Variants in KCNJ3 observed in about 807,000 individuals in gnomAD.
KCNJ3 encodes the protein G protein-activated inward rectifier potassium channel 1.
KCNJ3 carries 4 observed loss-of-function variants against 39.2 expected under a neutral mutation model. The ratio of observed to expected loss-of-function variants is 0.10; its 90% CI spans 0.05 to 0.23. KCNJ3 has a LOEUF of 0.23. Among genes scored for constraint, KCNJ3 ranks in the 10% least tolerant of loss-of-function variants. The probability of loss-of-function intolerance (pLI) is 1.00; values close to 1 mark genes in which losing one functional copy is unlikely to be tolerated. For synonymous variants in KCNJ3, 230 were observed against 237.4 expected (o/e 0.97, Z 0.29); for missense variants, 276 against 634.9 (o/e 0.43, Z 6.08).
At chr2:154,764,480 A>G (rs1424029774) in intron 2 of KCNJ3, among the ~76,000 whole-genome samples, 1 of 152,186 alleles carries the variant, frequency 6.6e-6, no homozygotes, top group Non-Finnish European at 1.5e-5. Context: ...TGAATAATTA[A>G]AATAATAGCC....
At chr2:154,775,766 T>C (rs895575004) in intron 2 of KCNJ3, among the ~76,000 whole-genome samples, 1 of 152,116 alleles carries the variant, frequency 6.6e-6, no homozygotes, top group African/African-American at 2.4e-5. Flanking sequence ...TGGGTACAAG[T>C]AATTGCGTAA....
intron 2 of KCNJ3, among the ~76,000 whole-genome samples, chr2:154,851,391 T>C (rs1024945328): frequency 1.3e-5 from 2 of 152,204 alleles, no homozygotes; most frequent in Admixed American, 6.5e-5. Context: ...ACAGGAAATG[T>C]AAGTGACTAT....
At chr2:154,731,044 G>A (rs766768745) in intron 2 of KCNJ3, among the ~76,000 whole-genome samples, 21 of 152,228 alleles carry the variant, frequency 1.4e-4, no homozygotes, top group Middle Eastern at 3.4e-3. Flanking sequence ...GGATCATTTA[G>A]AGAAGAATAT....
At chr2:154,708,887 G>C (rs534247264) in intron 1 of KCNJ3, among the ~76,000 whole-genome samples, 1 of 152,090 alleles carries the variant, frequency 6.6e-6, no homozygotes, top group African/African-American at 2.4e-5. Flanking sequence ...TTTGATTAAA[G>C]AAAGTTCAGT....
intron 1 of KCNJ3, among the ~76,000 whole-genome samples, chr2:154,706,580 ACAAACATT>A (rs1206842810): frequency 6.6e-6 from 1 of 152,138 alleles, no homozygotes; most frequent in Non-Finnish European, 1.5e-5. Context: ...AGTTCCTTGA[ACAAACATT>A]CAAACTTTCT....
chr2:154,713,564 T>C (rs945381227), intron 2 of KCNJ3, among the ~76,000 whole-genome samples: 1 of 152,204 alleles, frequency 6.6e-6, no homozygotes, highest in Admixed American at 6.5e-5. Context: ...CAAATGTTAT[T>C]TTCCCCACTT....
chr2:154,704,456 T>C (rs1056924563), intron 1 of KCNJ3, among the ~76,000 whole-genome samples: 2 of 152,172 alleles, frequency 1.3e-5, no homozygotes, highest in Admixed American at 1.3e-4. Flanking sequence ...TCACATAATC[T>C]ATTATAAAAT....
chr2:154,839,694 G>C (rs1410973164), intron 2 of KCNJ3, among the ~76,000 whole-genome samples: 1 of 152,168 alleles, frequency 6.6e-6, no homozygotes, highest in African/African-American at 2.4e-5. Context: ...GTGATGATGA[G>C]CATTTTTTCA....
Position 154,805,082 on chromosome 2 carries a change from G to A in KCNJ3, c.920-49645G>A, listed in dbSNP as rs148923759. 2.9e-3 allele frequency among the ~76,000 whole-genome samples: 449 copies of A among 152,212 alleles called. 4 individuals are homozygous for A. The highest frequency in any genetic ancestry group is 0.01 in the African/African-American group (435 of 41,558). On this transcript the variant is annotated intron_variant, in intron 2 of 2. Coordinates refer to ENST00000295101, the MANE Select transcript of KCNJ3 (RefSeq NM_002239.4). ...AGAATGAACAATTTTCCTAAGAAGT[G>A]AACTTAGCAATTGGAATATGGTGTG...
intron 1 of KCNJ3, among the ~76,000 whole-genome samples, chr2:154,700,331 G>A (rs1039624084): frequency 2.0e-5 from 3 of 152,152 alleles, no homozygotes; most frequent in Admixed American, 6.5e-5. Context: ...AGCAAGGTCC[G>A]TCTAGTCGTT....
intron 2 of KCNJ3, among the ~76,000 whole-genome samples, chr2:154,777,551 A>G (rs1686359854): frequency 6.6e-6 from 1 of 152,202 alleles, no homozygotes; most frequent in East Asian, 1.9e-4. Context: ...TCCTGCCTGC[A>G]AATTGATACT....
At chr2:154,751,740 A>C (rs1359748106) in intron 2 of KCNJ3, among the ~76,000 whole-genome samples, 1 of 152,070 alleles carries the variant, frequency 6.6e-6, no homozygotes, top group Admixed American at 6.6e-5. Context: ...ACACTTCTGG[A>C]GGCTTGAAGC....
Position 154,699,394 on chromosome 2 carries a change from G to A in KCNJ3, c.619G>A (p.Gly207Arg), listed in dbSNP as rs774218480. 11 of 1,609,182 alleles carry A rather than the reference G, an allele frequency of 6.8e-6. No homozygotes were observed. Among genetic ancestry groups the A allele is most frequent in the Non-Finnish European group, 5.9e-6 (7 of 1,179,980 alleles). The change falls in exon 1 of 3, where the codon GGA (glycine) becomes AGA (arginine). Residue 207 changes from glycine (G) to arginine (R), a missense_variant. Coordinates refer to ENST00000295101, the MANE Select transcript of KCNJ3 (RefSeq NM_002239.4). This position sits in a 1 kb window ranked among gnomAD's most constrained non-coding sequence, Gnocchi z 6.4. ...SEHAVISMRDGKLTLMFRVGN... is the reference protein window; with the variant it reads ...SEHAVISMRDRKLTLMFRVGN... ...GCACGCGGTGATCTCCATGAGGGAC[G>A]GAAAACTCACGCTTATGTTCCGGGT... is the stretch of plus-strand genomic sequence containing the variant.
At chr2:154,809,403 T>G (rs764806771) in intron 2 of KCNJ3, among the ~76,000 whole-genome samples, 27 of 152,190 alleles carry the variant, frequency 1.8e-4, no homozygotes, top group Non-Finnish European at 3.7e-4. Flanking sequence ...ACAATAGGGC[T>G]GTGAAAATGA....
At chr2:154,715,990 CATAT>C (rs1171204038) in intron 2 of KCNJ3, among the ~76,000 whole-genome samples, 1 of 152,160 alleles carries the variant, frequency 6.6e-6, no homozygotes, top group African/African-American at 2.4e-5. Flanking sequence ...GGTAAAGGCA[CATAT>C]ATATCTGCTG....
At chr2:154,710,537 G>A (rs1324787445) in intron 2 of KCNJ3, among the ~76,000 whole-genome samples, 1 of 152,028 alleles carries the variant, frequency 6.6e-6, no homozygotes, top group Non-Finnish European at 1.5e-5. Flanking sequence ...CATATTATTT[G>A]GGGCCTACAC....
At chr2:154,835,466 G>T in intron 2 of KCNJ3, among the ~76,000 whole-genome samples, 1 of 94,758 alleles carries the variant, frequency 1.1e-5, no homozygotes, top group Non-Finnish European at 2.4e-5. Flanking sequence ...TAATATTCAT[G>T]AATATGAATA....
intron 2 of KCNJ3, among the ~76,000 whole-genome samples, chr2:154,799,580 T>C (rs1295731943): frequency 6.6e-6 from 1 of 152,174 alleles, no homozygotes; most frequent in East Asian, 1.9e-4. Flanking sequence ...CCTTTTCTTT[T>C]ACCTTGGACA....
intron 2 of KCNJ3, among the ~76,000 whole-genome samples, chr2:154,843,583 G>A (rs1307347051): frequency 1.3e-5 from 2 of 151,778 alleles, no homozygotes; most frequent in Non-Finnish European, 2.9e-5. Context: ...CCAATCAAAT[G>A]TAGATTTGAT....
Sources: gnomAD v4.1 joint callset for allele counts (sites outside exome capture counted in the v4.1 genomes callset) on GRCh38, gnomAD v4.1.1 for gene constraint, Gnocchi (gnomAD v3.1) non-coding constraint, MANE v1.5 for transcripts, NCBI Gene and HGNC (gene_info 2026-07-23, HGNC 2026-07-21) for gene names.